SUGCT: variants seen among roughly 807,000 people sequenced by gnomAD.
SUGCT encodes the protein succinyl-CoA:glutarate CoA-transferase.
SUGCT carries 41 observed loss-of-function variants against 55.0 expected under a neutral mutation model. The ratio of observed to expected loss-of-function variants is 0.74; its 90% confidence interval spans 0.58 to 0.97. The LOEUF (loss-of-function observed/expected upper bound fraction) is 0.97, where lower values mean the gene tolerates loss of function less well. SUGCT is among the 50% of genes least tolerant of loss of function. SUGCT has a pLI of 0.00. For missense variants in SUGCT, 568 were observed against 547.8 expected, an observed-to-expected ratio of 1.04 and a Z score of -0.37; for synonymous variants, 187 against 200.4, an observed-to-expected ratio of 0.93 and a Z score of 0.56.
intron 12 of SUGCT, among the ~76,000 whole-genome samples, chr7:40,621,557 C>T (rs1799266336): frequency 6.6e-6 from 1 of 152,166 alleles, no homozygotes; most frequent in Non-Finnish European, 1.5e-5. Context: ...GCCTGCAGAT[C>T]AGCCCTGAGG....
chr7:40,326,374 CTAA>C (rs1002044789), intron 9 of SUGCT, among the ~76,000 whole-genome samples: 2 of 152,030 alleles, frequency 1.3e-5, no homozygotes, highest in Non-Finnish European at 2.9e-5. Context: ...GTGTGTTGAA[CTAA>C]TAATTATAGC....
chr7:40,282,809 A>G (rs1793060733), intron 8 of SUGCT, among the ~76,000 whole-genome samples: 1 of 151,644 alleles, frequency 6.6e-6, no homozygotes. Flanking sequence ...GAGGTTACAT[A>G]GAATTATGAG....
chr7:40,435,695 G>A (rs985684877), intron 9 of SUGCT, among the ~76,000 whole-genome samples: 7 of 152,002 alleles, frequency 4.6e-5, no homozygotes, highest in African/African-American at 1.2e-4. Flanking sequence ...TATTCTCTGA[G>A]TTTCTCATTG....
intron 12 of SUGCT, among the ~76,000 whole-genome samples, chr7:40,600,219 A>G (rs943551511): frequency 6.6e-6 from 1 of 152,160 alleles, no homozygotes; most frequent in African/African-American, 2.4e-5. Flanking sequence ...TTCCAACAAC[A>G]GAGTTCCTGT....
chr7:40,303,102 C>T (rs1236573297), intron 8 of SUGCT, among the ~76,000 whole-genome samples: 1 of 151,410 alleles, frequency 6.6e-6, no homozygotes, highest in African/African-American at 2.4e-5. Context: ...GGTGCAGTCT[C>T]GGCTCACTGC....
In SUGCT at chr7:40,273,869, G is replaced by A. The variant is rs141587843; in HGVS notation, c.577-644G>A. On this transcript the variant is annotated intron_variant, in intron 7 of 13. Transcript: ENST00000335693. ...CGTTTTATACCCAGATAGTTGCAAA[G>A]CTCATGCCCTGTGCCCAGTGCTCCA... Among the ~76,000 whole-genome samples, 941 of 152,182 alleles carry A rather than the reference G, an allele frequency of 6.2e-3. 6 individuals carry two copies. Among genetic ancestry groups the A allele is most frequent in the African/African-American group, 0.022 (900 of 41,540 alleles).
chr7:40,474,244 G>A (rs867199313), intron 11 of SUGCT, among the ~76,000 whole-genome samples: 5 of 152,162 alleles, frequency 3.3e-5, no homozygotes, highest in Admixed American at 6.6e-5. Flanking sequence ...GAAGCAAAAC[G>A]AATCTGGGGT....
At chr7:40,485,113 G>A (rs1221346267) in intron 11 of SUGCT, among the ~76,000 whole-genome samples, 1 of 151,950 alleles carries the variant, frequency 6.6e-6, no homozygotes, top group Non-Finnish European at 1.5e-5. Flanking sequence ...CTTAATAAAT[G>A]GTTCATTTTT....
At chr7:40,862,071 C>T (rs553581116), downstream of SUGCT, among the ~76,000 whole-genome samples, 7 of 152,292 alleles carry the variant, frequency 4.6e-5, no homozygotes, top group South Asian at 1.2e-3. Flanking sequence ...CCATTTCTTC[C>T]GCTGATCTGG....
intron 6 of SUGCT, among the ~76,000 whole-genome samples, chr7:40,219,472 A>C (rs1787898714): frequency 6.6e-6 from 1 of 152,222 alleles, no homozygotes; most frequent in Non-Finnish European, 1.5e-5. Flanking sequence ...ATTTTTATTA[A>C]ACAATAGAAG....
At chr7:40,973,555 A>G in the SUGCT span, among the ~76,000 whole-genome samples, 1 of 152,142 alleles carries the variant, frequency 6.6e-6, no homozygotes, top group African/African-American at 2.4e-5. Flanking sequence ...CGTCTGAACT[A>G]TCAGAGAGCT....
At chr7:40,548,757 AATGACATGTATC>A (rs1369013938) in intron 12 of SUGCT, among the ~76,000 whole-genome samples, 1 of 152,162 alleles carries the variant, frequency 6.6e-6, no homozygotes, top group Non-Finnish European at 1.5e-5. Flanking sequence ...AACAGTGTAT[AATGACATGTATC>A]ATATCCATCA....
intron 9 of SUGCT, among the ~76,000 whole-genome samples, chr7:40,402,252 C>T (rs916029637): frequency 1.3e-5 from 2 of 152,002 alleles, no homozygotes; most frequent in African/African-American, 4.8e-5. Context: ...ATTCTGTCCC[C>T]GTCTTTCTTT....
chr7:40,605,017 T>C (rs1798457300), intron 12 of SUGCT, among the ~76,000 whole-genome samples: 1 of 152,228 alleles, frequency 6.6e-6, no homozygotes, highest in East Asian at 1.9e-4. Flanking sequence ...TTGGGGGCTG[T>C]GTGCCCTCTG....
At chr7:40,527,221 A>G (rs900783433) in intron 12 of SUGCT, among the ~76,000 whole-genome samples, 5 of 152,232 alleles carry the variant, frequency 3.3e-5, no homozygotes, top group African/African-American at 1.2e-4. Context: ...TCTTTTTCAA[A>G]TCAAAGGCAC....
intron 12 of SUGCT, among the ~76,000 whole-genome samples, chr7:40,695,200 T>A (rs1437898420): frequency 6.7e-6 from 1 of 149,724 alleles, no homozygotes; most frequent in Non-Finnish European, 1.5e-5. Context: ...TATTTATTTA[T>A]TTATTTATTT....
At position 40,576,696 on chromosome 7, in the gene SUGCT, A is replaced by G. The variant is rs557600181; in HGVS notation, c.1089+80310A>G. 1.5e-4 allele frequency among the ~76,000 whole-genome samples: 23 copies of G among 152,338 alleles called. 2 individuals are homozygous for G. The highest frequency in any genetic ancestry group is 1.5e-3 in the Admixed American group (23 of 15,304). On this transcript the variant is annotated intron_variant, in intron 12 of 13. Transcript: ENST00000335693. ...AGCTTGGCTGAGTTTTATTAGAGCC[A>G]TTGTTTTCAAATATTTTTCTTATCA...
chr7:40,684,228 T>G, intron 12 of SUGCT: 1 of 1,466,366 alleles, frequency 6.8e-7, no homozygotes, highest in South Asian at 1.6e-5. Flanking sequence ...GTGACCTTAA[T>G]TACATCCATA....
intron 9 of SUGCT, among the ~76,000 whole-genome samples, chr7:40,351,344 A>G (rs896471921): frequency 2.0e-5 from 3 of 152,086 alleles, no homozygotes; most frequent in African/African-American, 4.8e-5. Flanking sequence ...CTTAAAATCT[A>G]AAAATGGATC....
Sources: gnomAD v4.1 joint callset for allele counts (sites outside exome capture counted in the v4.1 genomes callset) on GRCh38, gnomAD v4.1.1 for gene constraint, MANE v1.5 for transcripts, NCBI Gene and HGNC (gene_info 2026-07-23, HGNC 2026-07-21) for gene names.